Variants in RIMBP2 observed in about 807,000 individuals in gnomAD.
RIMBP2 encodes the protein RIMS binding protein 2.
A neutral mutation model predicts 118.6 loss-of-function variants in RIMBP2; 48 were observed. The ratio of observed to expected loss-of-function variants is 0.40; its 90% confidence interval spans 0.32 to 0.51. RIMBP2 has a LOEUF of 0.51. Ranked by LOEUF, RIMBP2 falls within the 20% of genes least tolerant of loss-of-function variation. RIMBP2 has a pLI of 0.41. For synonymous variants in RIMBP2, 762 were observed against 742.9 expected (o/e 1.03, Z -0.42); for missense variants, 1,551 against 1,768.3 (o/e 0.88, Z 2.20).
At chr12:130,551,685 C>G (rs1434797266) in intron 2 of RIMBP2, among the ~76,000 whole-genome samples, 5 of 152,112 alleles carry the variant, frequency 3.3e-5, no homozygotes, top group Non-Finnish European at 5.9e-5. Flanking sequence ...AGAAAATGCA[C>G]AGATAGAGCA....
chr12:130,456,590 C>T lies in RIMBP2; in HGVS notation c.264G>A (p.Leu88=). 1.2e-6 allele frequency: 2 copies of T among 1,613,616 alleles called. No individual in the cohort carries two copies. The highest frequency in any genetic ancestry group is 1.7e-6 in the Non-Finnish European group (2 of 1,179,700). Residue 88 remains leucine (L), a synonymous_variant, in exon 7 of 23, where the codon CTG becomes CTA. Coordinates refer to ENST00000690449, the MANE Select transcript of RIMBP2 (RefSeq NM_001393629.1). ...CCAGGGGGGCCACCGCGCTGCCACC[C>T]AGCAGGTCAATCTTGCCAGCGTGCT... The part of the protein sequence containing the change: ...FRQHAGKIDL[L]GGSAVAPLDI...
intron 2 of RIMBP2, among the ~76,000 whole-genome samples, chr12:130,579,469 TG>T (rs1210925109): frequency 1.3e-5 from 2 of 152,196 alleles, no homozygotes; most frequent in Non-Finnish European, 2.9e-5. Context: ...GAGCGGCTCT[TG>T]GGAGCGTGTG....
intron 2 of RIMBP2, among the ~76,000 whole-genome samples, chr12:130,594,477 C>A (rs566085449): frequency 7.2e-5 from 11 of 152,278 alleles, no homozygotes; most frequent in African/African-American, 2.6e-4. Flanking sequence ...GGGTGTCCAA[C>A]CTTCTGTCTT....
At chr12:130,691,007 C>A (rs185451311) in intron 1 of RIMBP2, among the ~76,000 whole-genome samples, 1 of 152,136 alleles carries the variant, frequency 6.6e-6, no homozygotes, top group Admixed American at 6.5e-5. Context: ...TGTTAAACAG[C>A]GTGTTTCTTG....
At chr12:130,514,124 A>T (rs914097199) in intron 3 of RIMBP2, among the ~76,000 whole-genome samples, 32 of 152,216 alleles carry the variant, frequency 2.1e-4, no homozygotes, top group Admixed American at 2.0e-3. Context: ...TTGGAAGGAA[A>T]GCCAAGCTCC....
intron 2 of RIMBP2, among the ~76,000 whole-genome samples, chr12:130,549,050 C>G (rs1347583784): frequency 6.6e-6 from 1 of 152,184 alleles, no homozygotes; most frequent in Non-Finnish European, 1.5e-5. Flanking sequence ...GCTAATAATT[C>G]TATTCTACCC....
At chr12:130,491,535 G>A (rs550836357) in intron 4 of RIMBP2, among the ~76,000 whole-genome samples, 26 of 152,288 alleles carry the variant, frequency 1.7e-4, no homozygotes, top group Non-Finnish European at 3.4e-4. Flanking sequence ...CACACTGTTC[G>A]TGCCTCTGTC....
chr12:130,491,936 C>G (rs1474218367), intron 4 of RIMBP2, among the ~76,000 whole-genome samples: 1 of 152,252 alleles, frequency 6.6e-6, no homozygotes, highest in Non-Finnish European at 1.5e-5. Flanking sequence ...CAGGGTGCCG[C>G]TATCCCAGGG....
At chr12:130,612,519 C>A (rs1021763997) in intron 2 of RIMBP2, among the ~76,000 whole-genome samples, 1 of 152,182 alleles carries the variant, frequency 6.6e-6, no homozygotes, top group African/African-American at 2.4e-5. Context: ...GCCCAGCACC[C>A]AGTCTGGGGT....
In RIMBP2 at chr12:130,424,010, A is replaced by C; in HGVS notation, c.3129+132T>G. ...GCAAATCGGACTTGAGAAATCAAAA[A>C]TGCAGGGAAAACGAAAGACAGCCAG... On this transcript the variant is annotated intron_variant, in intron 16 of 22. Transcript: ENST00000690449. The surrounding 1 kb of genome is among the most constrained non-coding windows in gnomAD (Gnocchi z 9.8). 1 of 451,954 alleles carries C rather than the reference A, an allele frequency of 2.2e-6. No homozygotes were observed. The highest frequency in any genetic ancestry group is 3.5e-5 in the East Asian group (1 of 28,240). The allele number at this position is 451,954 out of a possible 1,614,324, so 28.0% of individuals were successfully genotyped here.
At chr12:130,453,581 A>G (rs1280611674) in intron 7 of RIMBP2, among the ~76,000 whole-genome samples, 1 of 152,280 alleles carries the variant, frequency 6.6e-6, no homozygotes, top group Non-Finnish European at 1.5e-5. Flanking sequence ...ACCCAGGCAC[A>G]GAGATACAAA....
intron 19 of RIMBP2, among the ~76,000 whole-genome samples, chr12:130,409,705 T>A (rs2075540727): frequency 6.6e-6 from 1 of 152,172 alleles, no homozygotes; most frequent in Non-Finnish European, 1.5e-5. Flanking sequence ...TTCACCCCTG[T>A]CACTGGCTGT....
intron 2 of RIMBP2, among the ~76,000 whole-genome samples, chr12:130,584,534 A>G (rs1368904790): frequency 5.4e-5 from 8 of 148,204 alleles, no homozygotes; most frequent in African/African-American, 1.2e-4. Flanking sequence ...CCTCATCACC[A>G]CCATCACCAC....
At position 130,451,218 on chromosome 12, in the gene RIMBP2, C is replaced by T. The variant is rs370254266; in HGVS notation, c.481G>A (p.Ala161Thr). ...KPTFLSRSGS[A>T]RCRSESDMEN... ...ACGTCTGACTCAGATCTGCATCTTGCGCTACCGGATCTCGACAGGAAGGTG... is the reference window on the plus strand; with the variant it reads ...ACGTCTGACTCAGATCTGCATCTTGTGCTACCGGATCTCGACAGGAAGGTG... Residue 161 changes from alanine (A) to threonine (T), a missense_variant, in exon 8 of 23, where the codon GCA (alanine) becomes ACA (threonine). This residue lies in a region of RIMBP2 where 239 missense variants were observed against 256.8 expected (regional missense o/e 0.93). Coordinates refer to ENST00000690449, the MANE Select transcript of RIMBP2 (RefSeq NM_001393629.1). 1.8e-5 allele frequency: 29 copies of T among 1,613,858 alleles called. No individual in the cohort carries two copies. Among genetic ancestry groups the T allele is most frequent in the Middle Eastern group, 1.6e-4 (1 of 6,084 alleles).
At chr12:130,472,231 T>C (rs1400615161) in intron 5 of RIMBP2, 1 of 152,244 alleles carries the variant, frequency 6.6e-6, no homozygotes, top group Non-Finnish European at 1.5e-5. Flanking sequence ...AATTTCCTGT[T>C]TGGGTTTTCT....
intron 1 of RIMBP2, among the ~76,000 whole-genome samples, chr12:130,678,936 AG>A (rs1333557139): frequency 6.6e-6 from 1 of 152,250 alleles, no homozygotes; most frequent in African/African-American, 2.4e-5. Flanking sequence ...CAGAGGGGAC[AG>A]GGTTTGCTTT....
chr12:130,397,117 G>T lies in RIMBP2; in HGVS notation c.*244C>A, dbSNP rs761981056. 3.4e-6 allele frequency: 1 copy of T among 296,572 alleles called. No individual in the cohort carries two copies. Among genetic ancestry groups the T allele is most frequent in the African/African-American group, 2.1e-5 (1 of 46,576 alleles). The allele number at this position is 296,572 out of a possible 1,614,324, so 18.4% of individuals were successfully genotyped here. A position where few individuals can be genotyped will look rare whatever the true frequency, so the allele number is the denominator to read the frequency against. On this transcript the variant is annotated 3_prime_UTR_variant, in exon 23 of 23. Transcript: ENST00000690449. ...ATGCGCCCCCGTTTGTTAATAAGAC[G>T]TCCCCTCCCACCTCCCAAATCAGAG...
intron 1 of RIMBP2, among the ~76,000 whole-genome samples, chr12:130,685,235 C>G (rs1407053386): frequency 2.0e-5 from 3 of 152,140 alleles, no homozygotes; most frequent in Non-Finnish European, 2.9e-5. Flanking sequence ...GAAGAAAGAG[C>G]ATTTTTACCT....
chr12:130,520,459 G>C (rs2051965092), intron 2 of RIMBP2, among the ~76,000 whole-genome samples: 1 of 151,960 alleles, frequency 6.6e-6, no homozygotes, highest in Admixed American at 6.6e-5. Context: ...GAGGTCAGGA[G>C]TTCAAGACCA....
Sources: gnomAD v4.1 joint callset for allele counts (sites outside exome capture counted in the v4.1 genomes callset) on GRCh38, gnomAD v4.1.1 for gene constraint, gnomAD v4.1.1 regional missense constraint, Gnocchi (gnomAD v3.1) non-coding constraint, MANE v1.5 for transcripts, NCBI Gene and HGNC (gene_info 2026-07-23, HGNC 2026-07-21) for gene names.